KIAA0319L: variants seen among roughly 807,000 people sequenced by gnomAD.
The protein encoded by KIAA0319L is dyslexia-associated protein KIAA0319-like protein.
Under a neutral mutation model 120.1 loss-of-function variants are expected in KIAA0319L, and 55 were observed. The ratio of observed to expected loss-of-function variants is 0.46; its 90% confidence interval spans 0.37 to 0.57. The LOEUF (loss-of-function observed/expected upper bound fraction) is 0.57, where lower values mean the gene tolerates loss of function less well. KIAA0319L is among the 20% of genes least tolerant of loss of function. The pLI is 0.00. For missense variants in KIAA0319L, 1,049 were observed against 1,255.3 expected, an observed-to-expected ratio of 0.84 and a Z score of 2.48; for synonymous variants, 398 against 471.9, an observed-to-expected ratio of 0.84 and a Z score of 2.03.
intron 2 of KIAA0319L, among the ~76,000 whole-genome samples, chr1:35,553,302 T>C (rs1647434420): frequency 6.7e-6 from 1 of 149,884 alleles, no homozygotes; most frequent in Non-Finnish European, 1.5e-5. Context: ...TGATCTTATA[T>C]AAAATGTTGA....
chr1:35,478,831 G>A (rs1323337317), intron 4 of KIAA0319L, 135 bp downstream of exon 4: 1 of 1,053,504 alleles, frequency 9.5e-7, no homozygotes, highest in African/African-American at 1.6e-5. Flanking sequence ...ATGACTGCAG[G>A]GGCAATGACA....
intron 2 of KIAA0319L, among the ~76,000 whole-genome samples, chr1:35,542,470 C>G (rs1646830495): frequency 3.9e-5 from 6 of 152,190 alleles, no homozygotes; most frequent in Admixed American, 3.9e-4. Flanking sequence ...GGAACTTATC[C>G]AGTACTATCT....
At chr1:35,512,378 GA>G (rs1026823840) in intron 2 of KIAA0319L, among the ~76,000 whole-genome samples, 1 of 147,812 alleles carries the variant, frequency 6.8e-6, no homozygotes, top group African/African-American at 2.5e-5. Flanking sequence ...AAAATCTGGG[GA>G]AAAAAAAGAG....
rs200436518 is a variant in KIAA0319L, at chr1:35,479,030, G to A, written c.849C>T (p.Pro283=). The A allele has an allele frequency of 9.5e-5, 154 of 1,613,994 alleles. No individual in the cohort carries two copies. Among genetic ancestry groups the A allele is most frequent in the Admixed American group, 3.5e-4 (21 of 59,996 alleles). ...GGGTAGGGGTAGCATAACTGTAGGA[G>A]GGAGCCACTGGCTGGGGGACAGCAA... The part of the protein sequence containing the change: ...TQIAVPQPVA[P]SYSYATPTPQ... Residue 283 remains proline (P), a synonymous_variant, in exon 4 of 21, where the codon CCC becomes CCT. Coordinates refer to ENST00000325722, the MANE Select transcript of KIAA0319L (RefSeq NM_024874.5).
At chr1:35,456,371 G>T in intron 9 of KIAA0319L, 130 bp from the exon 10 acceptor site, 1 of 598,676 alleles carries the variant, frequency 1.7e-6, no homozygotes, top group Non-Finnish European at 2.9e-6. Flanking sequence ...CACTTCTATT[G>T]GAGAAGCAGA....
intron 2 of KIAA0319L, among the ~76,000 whole-genome samples, chr1:35,512,374 T>TG (rs1220993050): frequency 6.9e-6 from 1 of 144,716 alleles, no homozygotes; most frequent in African/African-American, 2.5e-5. Context: ...TCATAAAATC[T>TG]GGGGAAAAAA....
At chr1:35,497,819 C>T (rs1644868283) in intron 3 of KIAA0319L, among the ~76,000 whole-genome samples, 1 of 152,158 alleles carries the variant, frequency 6.6e-6, no homozygotes, top group Non-Finnish European at 1.5e-5. Flanking sequence ...TAAGTATCAT[C>T]TCACCATTGT....
At position 35,434,397 on chromosome 1, in the gene KIAA0319L, T is replaced by C. The variant is rs1640632929; in HGVS notation, c.*497A>G. ...CCACCGCGCCCGGCCATCATTTCTA[T>C]GCTACCATCTCAGCATCTGTGGTGA... On this transcript the variant is annotated 3_prime_UTR_variant, in exon 21 of 21. Coordinates refer to ENST00000325722, the MANE Select transcript of KIAA0319L (RefSeq NM_024874.5). The C allele has an allele frequency of 6.5e-6, 1 of 153,376 alleles. No homozygotes were observed. Among genetic ancestry groups the C allele is most frequent in the Non-Finnish European group, 1.5e-5 (1 of 68,958 alleles). 9.5% of individuals were successfully genotyped at this position (153,376 alleles called of 1,614,324 possible). A position where few individuals can be genotyped will look rare whatever the true frequency, so the allele number is the denominator to read the frequency against.
intron 3 of KIAA0319L, among the ~76,000 whole-genome samples, chr1:35,499,801 A>C (rs1644940255): frequency 6.6e-6 from 1 of 151,756 alleles, no homozygotes; most frequent in South Asian, 2.1e-4. Context: ...AAAAACCCTG[A>C]AAAACAAACC....
Position 35,470,774 on chromosome 1 carries a change from A to G in KIAA0319L, c.1113+89T>C, listed in dbSNP as rs1239054535. 6 of 825,928 alleles carry G rather than the reference A, an allele frequency of 7.3e-6. No individual in the cohort carries two copies. The Admixed American group carries it at 1.1e-4, about 15-fold the overall frequency. The allele number at this position is 825,928 out of a possible 1,614,324, so 51.2% of individuals were successfully genotyped here. ...ATTTCTAAAAGACTGTTTACAACTT[A>G]AGTGTAGACAGAAAATTATATGATA... On this transcript the variant is annotated intron_variant, in intron 6 of 20. Coordinates refer to ENST00000325722, the MANE Select transcript of KIAA0319L (RefSeq NM_024874.5).
At chr1:35,467,288 G>C (rs1643331829) in intron 6 of KIAA0319L, among the ~76,000 whole-genome samples, 1 of 151,762 alleles carries the variant, frequency 6.6e-6, no homozygotes, top group Non-Finnish European at 1.5e-5. Context: ...ATTTTGTAAA[G>C]ATACTAAATA....
chr1:35,456,018 T>A lies in KIAA0319L; in HGVS notation c.1651A>T (p.Met551Leu). ...TAGGAACCATTCCCTCCTACCTGCA[T>A]CTCCACCACTTTCCCTTTGCTGCTT... ...SPSSKGKVVE[M>L]QGVRTPTLQL... The change falls in exon 10 of 21, where the codon ATG becomes TTG. Residue 551 changes from methionine (M) to leucine (L), a missense_variant. Coordinates refer to ENST00000325722, the MANE Select transcript of KIAA0319L (RefSeq NM_024874.5). 1.2e-6 allele frequency: 2 copies of A among 1,611,056 alleles called. No homozygotes were observed. Among genetic ancestry groups the A allele is most frequent in the Non-Finnish European group, 1.7e-6 (2 of 1,177,954 alleles).
intron 17 of KIAA0319L, 31 bp downstream of exon 17, chr1:35,444,130 C>G (rs1641435610): frequency 1.3e-6 from 2 of 1,563,902 alleles, no homozygotes; most frequent in Non-Finnish European, 1.7e-6. Context: ...ACTAGGTAGG[C>G]TCTTGCTCCC....
chr1:35,470,740 G>T, intron 6 of KIAA0319L, 123 bp downstream of exon 6: 1 of 660,746 alleles, frequency 1.5e-6, no homozygotes, highest in Non-Finnish European at 2.7e-6. Flanking sequence ...TCAGATTTTT[G>T]GAGGATTCAT....
intron 7 of KIAA0319L, among the ~76,000 whole-genome samples, chr1:35,465,034 C>T (rs1045457384): frequency 7.2e-5 from 11 of 152,184 alleles, no homozygotes; most frequent in Non-Finnish European, 5.9e-5. Flanking sequence ...GCTGCAGAGG[C>T]GGGGCTCTCA....
rs1469636449 is a variant in KIAA0319L, at chr1:35,473,904, A to G, written c.1015+901T>C. Among the ~76,000 whole-genome samples the G allele has an allele frequency of 3.3e-5, 5 of 152,186 alleles. No homozygotes were observed. In the East Asian group the frequency reaches 9.6e-4, roughly 29 times the overall value. Reference sequence around the variant, plus strand: ...ATTTCCATCAAAGTATGTACCACTCAAGTCCTAAATAGTGTTAAGAGAACC... The same window carrying G: ...ATTTCCATCAAAGTATGTACCACTCGAGTCCTAAATAGTGTTAAGAGAACC... On this transcript the variant is annotated intron_variant, in intron 5 of 20. Transcript: ENST00000325722.
Position 35,553,417 on chromosome 1 carries a change from T to C in KIAA0319L, c.142+933A>G, listed in dbSNP as rs150207387. 5.9e-3 allele frequency among the ~76,000 whole-genome samples: 882 copies of C among 150,742 alleles called. 14 individuals are homozygous for C. Among genetic ancestry groups the C allele is most frequent in the Non-Finnish European group, 5.4e-3 (369 of 67,868 alleles). ...AGTACAACTTCCACTGCTATAATTA[T>C]GCAATCATCAACCATCACTGCAAGA... On this transcript the variant is annotated intron_variant, in intron 2 of 20. Transcript: ENST00000325722.
At chr1:35,477,585 T>C (rs1046302651) in intron 4 of KIAA0319L, among the ~76,000 whole-genome samples, 2 of 145,556 alleles carry the variant, frequency 1.4e-5, no homozygotes, top group Non-Finnish European at 3.0e-5. Flanking sequence ...GAGAATGGCA[T>C]GAACCCAGGA....
intron 15 of KIAA0319L, among the ~76,000 whole-genome samples, chr1:35,448,680 T>C (rs758513853): frequency 2.0e-5 from 3 of 152,166 alleles, no homozygotes; most frequent in Non-Finnish European, 4.4e-5. Flanking sequence ...TGCTGAGCAA[T>C]CCAGGCCAAG....
Sources: allele counts gnomAD v4.1 joint callset (sites outside exome capture counted in the v4.1 genomes callset), GRCh38; gene constraint gnomAD v4.1.1; transcripts MANE v1.5; gene names NCBI Gene and HGNC (gene_info 2026-07-23, HGNC 2026-07-21).